The following EPS15L1 variants were observed in gnomAD, a reference collection of about 807,000 sequenced individuals.
EPS15L1 encodes epidermal growth factor receptor pathway substrate 15 like 1.
EPS15L1 carries 43 observed loss-of-function variants against 117.1 expected under a neutral mutation model. The observed-to-expected ratio is 0.37, with a 90% confidence interval of 0.29 to 0.47. The LOEUF (loss-of-function observed/expected upper bound fraction) is 0.47. EPS15L1 is among the 20% of genes least tolerant of loss of function. EPS15L1 has a pLI of 0.99. For missense variants in EPS15L1, 981 were observed against 1,164.0 expected, an observed-to-expected ratio of 0.84 and a Z score of 2.29; for synonymous variants, 459 against 470.5, an observed-to-expected ratio of 0.98 and a Z score of 0.32.
Position 16,409,680 on chromosome 19 carries a change from G to A in EPS15L1, c.1266+4093C>T, listed in dbSNP as rs2092688684. Reference sequence around the variant, plus strand: ...AGGCCAGGCGCAGTGGCTCCCGCCTGTAATCCCAGCACTTTGGGAGGCCAA... The same window carrying A: ...AGGCCAGGCGCAGTGGCTCCCGCCTATAATCCCAGCACTTTGGGAGGCCAA... On this transcript the variant is annotated intron_variant, in intron 13 of 23. Transcript: ENST00000455140. 2.0e-5 allele frequency among the ~76,000 whole-genome samples: 3 copies of A among 152,186 alleles called. No individual in the cohort carries two copies. In the South Asian group the frequency reaches 6.2e-4, roughly 32 times the overall value.
chr19:16,461,278 T>A (rs1332213570), intron 1 of EPS15L1, among the ~76,000 whole-genome samples: 2 of 142,006 alleles, frequency 1.4e-5, no homozygotes, highest in East Asian at 4.0e-4. Flanking sequence ...CACTCCAGCC[T>A]GGGCGACAGA....
rs189443838 is a variant in EPS15L1 at position 16,414,909 on chromosome 19, A to G, written c.1194-1064T>C. On this transcript the variant is annotated intron_variant, in intron 12 of 23. Coordinates refer to ENST00000455140, the MANE Select transcript of EPS15L1 (RefSeq NM_001258374.3). Reference sequence around the variant, plus strand: ...TTTTTTGTAGCCGAGGTCTCAATATATGGCCCAGGCTGGTCTGGACCTCCT... The same window carrying G: ...TTTTTTGTAGCCGAGGTCTCAATATGTGGCCCAGGCTGGTCTGGACCTCCT... Among the ~76,000 whole-genome samples, 154 of 151,952 alleles carry G rather than the reference A, an allele frequency of 1.0e-3. 2 individuals are homozygous for G. Among genetic ancestry groups the G allele is most frequent in the South Asian group, 7.3e-3 (35 of 4,814 alleles).
At chr19:16,443,076 C>T (rs531924301) in intron 1 of EPS15L1, among the ~76,000 whole-genome samples, 47 of 152,298 alleles carry the variant, frequency 3.1e-4, no homozygotes, top group African/African-American at 9.9e-4. Context: ...TAAAAGTTTA[C>T]GTGCGTTGGT....
intron 1 of EPS15L1, among the ~76,000 whole-genome samples, chr19:16,463,493 C>T (rs1440578410): frequency 6.6e-6 from 1 of 152,168 alleles, no homozygotes; most frequent in Non-Finnish European, 1.5e-5. Context: ...CAGCTCCAAG[C>T]ACTCCCTGTG....
At chr19:16,430,769 G>A (rs1196731416) in intron 7 of EPS15L1, among the ~76,000 whole-genome samples, 1 of 152,228 alleles carries the variant, frequency 6.6e-6, no homozygotes, top group Non-Finnish European at 1.5e-5. Flanking sequence ...GGATGCAAGT[G>A]CGCACGGATG....
At chr19:16,428,854 C>A (rs936599817) in intron 7 of EPS15L1, 93 bp from the exon 8 acceptor site, 3 of 949,446 alleles carry the variant, frequency 3.2e-6, no homozygotes, top group Non-Finnish European at 5.0e-6. Flanking sequence ...AGCCGTGGCA[C>A]TCACTGGGCT....
chr19:16,440,199 G>A (rs2093017275), intron 4 of EPS15L1, among the ~76,000 whole-genome samples: 1 of 152,054 alleles, frequency 6.6e-6, no homozygotes, highest in African/African-American at 2.4e-5. Flanking sequence ...TTGGGAGGCC[G>A]AGGTGGGCAG....
intron 13 of EPS15L1, chr19:16,413,020 T>C (rs1206559117): frequency 2.7e-6 from 2 of 731,756 alleles, no homozygotes; most frequent in African/African-American, 1.7e-5. Flanking sequence ...GTTTTGAAGA[T>C]TATGCCAGTG....
chr19:16,399,768 C>T (rs943726491), intron 16 of EPS15L1, among the ~76,000 whole-genome samples: 5 of 151,926 alleles, frequency 3.3e-5, no homozygotes, highest in African/African-American at 7.3e-5. Context: ...GCAATCCTCC[C>T]ACCTCAGCCT....
chr19:16,444,651 C>T (rs184022516), intron 1 of EPS15L1, among the ~76,000 whole-genome samples: 2 of 152,204 alleles, frequency 1.3e-5, no homozygotes, highest in East Asian at 3.9e-4. Flanking sequence ...CTCCAGAGGC[C>T]CTCACTTCAG....
intron 1 of EPS15L1, among the ~76,000 whole-genome samples, chr19:16,466,262 T>C (rs745881140): frequency 7.2e-5 from 11 of 152,074 alleles, no homozygotes; most frequent in Non-Finnish European, 1.5e-4. Flanking sequence ...TCTGCCCCTC[T>C]TGCCCCTATA....
At chr19:16,397,416 A>T (rs1371761107) in intron 16 of EPS15L1, among the ~76,000 whole-genome samples, 1 of 152,154 alleles carries the variant, frequency 6.6e-6, no homozygotes, top group Middle Eastern at 3.2e-3. Flanking sequence ...TGAAAGTTAA[A>T]CAATTTTTTT....
chr19:16,462,171 G>A lies in EPS15L1; in HGVS notation c.33+9742C>T, dbSNP rs573868537. ...CTCTCCCTCTCAGTTTCCTCATCTA[G>A]AAACAAGCACAGGGACAATGGCACC... On this transcript the variant is annotated intron_variant, in intron 1 of 23. Transcript: ENST00000455140. Among the ~76,000 whole-genome samples, 5 of 152,290 alleles carry A rather than the reference G, an allele frequency of 3.3e-5. No homozygotes were observed. The South Asian group carries it at 1.0e-3, about 32-fold the overall frequency.
intron 13 of EPS15L1, among the ~76,000 whole-genome samples, chr19:16,408,078 C>T (rs952446595): frequency 2.0e-5 from 3 of 152,114 alleles, no homozygotes. Flanking sequence ...ATGGGAAGAG[C>T]GTTAGGCCGG....
At chr19:16,400,375 CT>C (rs1472499829) in intron 16 of EPS15L1, among the ~76,000 whole-genome samples, 3 of 148,594 alleles carry the variant, frequency 2.0e-5, no homozygotes, top group Non-Finnish European at 1.5e-5. Flanking sequence ...AAAAAAACCC[CT>C]GACTTTTGAG....
chr19:16,423,518 C>T (rs967116752), intron 9 of EPS15L1, among the ~76,000 whole-genome samples: 35 of 151,536 alleles, frequency 2.3e-4, no homozygotes, highest in African/African-American at 4.9e-5. Context: ...AGCAATGAGC[C>T]GTGATTGCAC....
rs56900530 is a variant in EPS15L1 at position 16,433,962 on chromosome 19, CATAAATAAATAA to C, written c.498+391_498+402del. The stretch of plus-strand genomic sequence containing the variant: ...TAGGCAACAGAGCAAGACTCCATCT[CATAAATAAATAA>C]ATAAATAAATAAATAAATAAATAGA... On this transcript the variant is annotated intron_variant, in intron 7 of 23. Transcript: ENST00000455140. Among the ~76,000 whole-genome samples, 210 of 148,974 alleles carry C rather than the reference CATAAATAAATAA, an allele frequency of 1.4e-3. 1 individual carries two copies. The highest frequency in any genetic ancestry group is 2.0e-3 in the Non-Finnish European group (135 of 67,500).
intron 13 of EPS15L1, among the ~76,000 whole-genome samples, chr19:16,409,714 G>A (rs998404870): frequency 6.6e-6 from 1 of 152,072 alleles, no homozygotes; most frequent in Non-Finnish European, 1.5e-5. Flanking sequence ...AAGGTGGGAG[G>A]ATCACCTGAG....
chr19:16,462,669 A>G (rs894211563), intron 1 of EPS15L1, among the ~76,000 whole-genome samples: 2 of 152,116 alleles, frequency 1.3e-5, no homozygotes, highest in African/African-American at 4.8e-5. Flanking sequence ...CTCCACCTCA[A>G]GAAAAAATAA....
Sources: allele counts gnomAD v4.1 joint callset (sites outside exome capture counted in the v4.1 genomes callset), GRCh38; gene constraint gnomAD v4.1.1; transcripts MANE v1.5; gene names NCBI Gene and HGNC (gene_info 2026-07-23, HGNC 2026-07-21).